The following SNTG1 variants were observed in gnomAD, a reference collection of about 807,000 sequenced individuals.
SNTG1 encodes the protein syntrophin gamma 1, also known as gamma-1-syntrophin.
A neutral mutation model predicts 74.7 loss-of-function variants in SNTG1; 39 were observed. That is an observed-to-expected ratio of 0.52 (90% CI 0.40 to 0.68). The LOEUF is 0.68. Among genes scored for constraint, SNTG1 ranks in the 30% least tolerant of loss-of-function variants. The pLI, the probability that SNTG1 is intolerant of heterozygous loss-of-function variation, is 0.00. For missense variants in SNTG1, 685 were observed against 609.5 expected (o/e 1.12, Z -1.30); for synonymous variants, 254 against 217.1 (o/e 1.17, Z -1.49).
At chr8:50,751,287 G>A (rs926557942) in intron 17 of SNTG1, among the ~76,000 whole-genome samples, 1 of 151,868 alleles carries the variant, frequency 6.6e-6, no homozygotes, top group Non-Finnish European at 1.5e-5. Context: ...TTAGTTTCAG[G>A]ACATACCAAA....
chr8:50,781,301 G>A (rs954485716), intron 18 of SNTG1, among the ~76,000 whole-genome samples: 48 of 152,080 alleles, frequency 3.2e-4, no homozygotes, highest in Non-Finnish European at 5.9e-4. Flanking sequence ...GTTGACAGTG[G>A]GGTGTTAAAG....
intron 15 of SNTG1, among the ~76,000 whole-genome samples, chr8:50,674,100 C>A (rs1275837549): frequency 1.3e-5 from 2 of 151,992 alleles, no homozygotes; most frequent in East Asian, 3.9e-4. Flanking sequence ...GAAGATTTCA[C>A]ATCAATATTC....
chr8:49,929,563 A>G (rs564613729), intron 1 of SNTG1, among the ~76,000 whole-genome samples: 482 of 152,246 alleles, frequency 3.2e-3, no homozygotes, highest in Non-Finnish European at 5.3e-3. Flanking sequence ...GGCCGGAAGG[A>G]CGCACCTGGG....
intron 1 of SNTG1, among the ~76,000 whole-genome samples, chr8:50,128,140 T>C (rs534537858): frequency 3.3e-5 from 5 of 152,214 alleles, no homozygotes; most frequent in African/African-American, 7.2e-5. Context: ...AATTCACAAA[T>C]ATATTGGAAA....
intron 5 of SNTG1, among the ~76,000 whole-genome samples, chr8:50,444,331 A>G (rs1198223239): frequency 6.6e-6 from 1 of 152,166 alleles, no homozygotes; most frequent in Admixed American, 6.5e-5. Context: ...AATAACAACC[A>G]TTGCTATAAG....
intron 2 of SNTG1, among the ~76,000 whole-genome samples, chr8:50,210,108 A>T (rs576387506): frequency 4.6e-5 from 7 of 152,210 alleles, no homozygotes; most frequent in South Asian, 2.1e-4. Context: ...TGATTTGATC[A>T]AGTGGAAGAA....
At chr8:50,244,006 A>G (rs180994457) in intron 2 of SNTG1, among the ~76,000 whole-genome samples, 2 of 152,278 alleles carry the variant, frequency 1.3e-5, no homozygotes, top group Admixed American at 1.3e-4. Context: ...TTTATAAAGA[A>G]AAGAGGTTTA....
intron 1 of SNTG1, chr8:50,164,251 A>C (rs1212047843): frequency 6.6e-6 from 1 of 152,138 alleles, no homozygotes; most frequent in Non-Finnish European, 1.5e-5. Context: ...TGCTATTCAG[A>C]TGCTTTGCCA....
chr8:50,689,805 A>G lies in SNTG1; in HGVS notation c.1039-14795A>G, dbSNP rs568492099. Among the ~76,000 whole-genome samples the G allele has an allele frequency of 9.2e-5, 14 of 152,214 alleles. No individual in the cohort carries two copies. In the South Asian group the frequency reaches 2.9e-3, roughly 32 times the overall value. On this transcript the variant is annotated intron_variant, in intron 15 of 18. Transcript: ENST00000642720. ...ATTCCCTCTTTTTCTATTGATTCGG[A>G]TAGTTTCAGAAGGAATGGTACCAGC... is the stretch of plus-strand genomic sequence containing the variant.
intron 2 of SNTG1, among the ~76,000 whole-genome samples, chr8:50,357,047 A>C (rs534439726): frequency 1.1e-4 from 17 of 152,312 alleles, no homozygotes; most frequent in Admixed American, 1.0e-3. Flanking sequence ...TAGCACATGA[A>C]CTTTTTTTCT....
rs147591049 is a variant in SNTG1 at position 50,710,188 on chromosome 8, A to T, written c.1284+1210A>T. On this transcript the variant is annotated intron_variant, in intron 17 of 18. Coordinates refer to ENST00000642720, the MANE Select transcript of SNTG1 (RefSeq NM_018967.5). Reference sequence around the variant, plus strand: ...TTTTAACATGGTAAAATTAGACAGCACACATTTGCTGGTCAGATTTGGCCA... The same window carrying T: ...TTTTAACATGGTAAAATTAGACAGCTCACATTTGCTGGTCAGATTTGGCCA... 2.8e-3 allele frequency among the ~76,000 whole-genome samples: 423 copies of T among 152,280 alleles called. 2 individuals are homozygous for T. Among genetic ancestry groups the T allele is most frequent in the African/African-American group, 9.7e-3 (404 of 41,552 alleles).
chr8:50,477,949 T>C (rs2093709700), intron 8 of SNTG1, among the ~76,000 whole-genome samples: 1 of 152,220 alleles, frequency 6.6e-6, no homozygotes, highest in African/African-American at 2.4e-5. Flanking sequence ...AAGTGTTGTG[T>C]ATTGATATAA....
chr8:50,789,162 T>G (rs2095684276), intron 18 of SNTG1, among the ~76,000 whole-genome samples: 1 of 151,946 alleles, frequency 6.6e-6, no homozygotes, highest in South Asian at 2.1e-4. Flanking sequence ...ATGAAGCCAT[T>G]CTTATGAAGT....
At chr8:50,134,347 A>G (rs1586419543) in intron 1 of SNTG1, among the ~76,000 whole-genome samples, 2 of 152,316 alleles carry the variant, frequency 1.3e-5, no homozygotes, top group South Asian at 4.1e-4. Context: ...AATGCCTATG[A>G]AAAGAGCACA....
At chr8:49,990,450 C>A (rs1366007876) in intron 1 of SNTG1, among the ~76,000 whole-genome samples, 2 of 151,890 alleles carry the variant, frequency 1.3e-5, no homozygotes, top group African/African-American at 4.8e-5. Context: ...ATATGAAATG[C>A]AATGGATCCA....
chr8:50,221,661 C>T (rs2085075959), intron 2 of SNTG1, among the ~76,000 whole-genome samples: 1 of 151,980 alleles, frequency 6.6e-6, no homozygotes, highest in Non-Finnish European at 1.5e-5. Context: ...ATGTGTGACC[C>T]ATTTAAAAAA....
chr8:50,795,804 G>A lies in SNTG1; in HGVS notation c.*2975G>A, dbSNP rs1468951222. ...TTTATAATTTGTTAAAATGCAACAA[G>A]TATTTATTTAAAAAATAGTTTAATA... On this transcript the variant is annotated 3_prime_UTR_variant, in exon 19 of 19. Transcript: ENST00000642720. 1 of 152,036 alleles carries A rather than the reference G, an allele frequency of 6.6e-6. No individual in the cohort carries two copies. Among genetic ancestry groups the A allele is most frequent in the African/African-American group, 2.4e-5 (1 of 41,424 alleles). The allele number at this position is 152,036 out of a possible 1,614,324, so 9.4% of individuals were successfully genotyped here.
At chr8:50,576,087 C>T (rs1395985601) in intron 12 of SNTG1, among the ~76,000 whole-genome samples, 3 of 152,128 alleles carry the variant, frequency 2.0e-5, no homozygotes, top group Non-Finnish European at 4.4e-5. Flanking sequence ...TCCAGGATGC[C>T]AATTGCATGC....
At chr8:50,492,005 G>A (rs540604849) in intron 8 of SNTG1, among the ~76,000 whole-genome samples, 1 of 150,260 alleles carries the variant, frequency 6.7e-6, no homozygotes, top group East Asian at 2.0e-4. Context: ...CTCTTCCTCT[G>A]TTACTTTGCT....
Sources: allele counts gnomAD v4.1 joint callset (sites outside exome capture counted in the v4.1 genomes callset), GRCh38; gene constraint gnomAD v4.1.1; transcripts MANE v1.5; gene names NCBI Gene and HGNC (gene_info 2026-07-23, HGNC 2026-07-21).